FLG: variants seen among roughly 807,000 people sequenced by gnomAD.
FLG encodes filaggrin.
Under a neutral mutation model 3.8 loss-of-function variants are expected in FLG, and 6 were observed. The ratio of observed to expected loss-of-function variants is 1.60; its 90% CI spans 0.87 to 3.15. FLG has a LOEUF of 3.15. Ranked by LOEUF, FLG falls within the 30% of genes most tolerant of loss-of-function variation. The pLI, the probability that FLG is intolerant of heterozygous loss-of-function variation, is 0.00. For missense variants in FLG, 7,595 were observed against 5,050.9 expected (o/e 1.50, Z -15.27); for synonymous variants, 2,551 against 1,931.6 (o/e 1.32, Z -8.41).
chr1:152,315,525 A>G lies in FLG; in HGVS notation c.-21-48T>C, dbSNP rs1271118571. ...CACTTTTTTATACATCTTTTTTTCTAGGTTATATTATTACAATCATTTTCC... is the reference window on the plus strand; with the variant it reads ...CACTTTTTTATACATCTTTTTTTCTGGGTTATATTATTACAATCATTTTCC... On this transcript the variant is annotated intron_variant, in intron 1 of 2. Transcript: ENST00000368799. 4 of 1,386,836 alleles carry G rather than the reference A, an allele frequency of 2.9e-6. No individual in the cohort carries two copies. The African/African-American group carries it at 5.8e-5, about 20-fold the overall frequency. 85.9% of individuals were successfully genotyped at this position (1,386,836 alleles called of 1,614,324 possible).
At position 152,307,665 on chromosome 1, in the gene FLG, C is replaced by G. The variant is rs1456743078; in HGVS notation, c.7221G>C (p.Arg2407Ser). 2 of 1,613,264 alleles carry G rather than the reference C, an allele frequency of 1.2e-6. No homozygotes were observed. Among genetic ancestry groups the G allele is most frequent in the Non-Finnish European group, 1.7e-6 (2 of 1,179,838 alleles). Residue 2407 changes from arginine (R) to serine (S), a missense_variant, in exon 3 of 3, where the codon AGG (arginine) becomes AGC (serine). Physicochemically the swap from Arg to Ser is moderately radical, Grantham distance 110. Coordinates refer to ENST00000368799, the MANE Select transcript of FLG (RefSeq NM_002016.2). ...AGAGGAAAGACCCTGAACGTCCAGACCTTCCTGCTGACCGGCCACGTGTGG... is the reference window on the plus strand; with the variant it reads ...AGAGGAAAGACCCTGAACGTCCAGAGCTTCCTGCTGACCGGCCACGTGTGG... ...QESTRGRSAG[R>S]SGRSGSFLYQ...
At chr1:152,320,927 A>G (rs1652943134) in intron 1 of FLG, among the ~76,000 whole-genome samples, 1 of 151,050 alleles carries the variant, frequency 6.6e-6, no homozygotes, top group Admixed American at 6.6e-5. Flanking sequence ...TAAATAATCA[A>G]TGGGTCATTG....
chr1:152,322,418 CT>C (rs527786839), intron 1 of FLG, among the ~76,000 whole-genome samples: 252 of 151,098 alleles, frequency 1.7e-3, no homozygotes, highest in African/African-American at 5.7e-3. Flanking sequence ...ACTAAACATG[CT>C]TCTGGTTATA....
rs1652426248 is a variant in FLG at position 152,311,511 on chromosome 1, T to C, written c.3375A>G (p.Glu1125=). The C allele has an allele frequency of 6.2e-7, 1 of 1,613,798 alleles. No homozygotes were observed. The change falls in exon 3 of 3, where the codon GAA becomes GAG. Residue 1125 remains glutamate, a synonymous_variant. Transcript: ENST00000368799. ...TCCGCCCATGGGCAGACTCAGACTG[T>C]TCATGAGTGCTCACCTGGTAGATGA... ...GSFIYQVSTH[E]QSESAHGRTR...
rs140880942 is a variant in FLG at position 152,302,868 on chromosome 1, A to G, written c.12018T>C (p.Val4006=). ...HGSVSYNSNP[V]VFKERSDICK... The stretch of plus-strand genomic sequence containing the variant: ...AGATATCAGATCTTTCCTTGAAAAC[A>G]ACAGGATTGGAATTGTAACTAACAC... Residue 4006 remains valine, a synonymous_variant, in exon 3 of 3, where the codon GTT becomes GTC. Coordinates refer to ENST00000368799, the MANE Select transcript of FLG (RefSeq NM_002016.2). 6.0e-4 allele frequency: 974 copies of G among 1,614,212 alleles called. 22 individuals are homozygous for G. In the East Asian group the frequency reaches 0.021, roughly 34 times the overall value.
At position 152,305,138 on chromosome 1, in the gene FLG, C is replaced by G; in HGVS notation, c.9748G>C (p.Gly3250Arg). ...TGATGGGACCTGGGGTGTCTGGAGC[C>G]GTGCCTTGACTGCTCCTGAACAGAT... ...RGSVQEQSRH[G>R]SRHPRSHHED... Residue 3250 changes from glycine (G) to arginine (R), a missense_variant, in exon 3 of 3, where the codon GGC becomes CGC. Transcript: ENST00000368799. 5 of 1,613,826 alleles carry G rather than the reference C, an allele frequency of 3.1e-6. No homozygotes were observed. Among genetic ancestry groups the G allele is most frequent in the South Asian group, 1.1e-5 (1 of 91,008 alleles).
At chr1:152,324,915 A>G (rs561537829) in intron 1 of FLG, among the ~76,000 whole-genome samples, 121 of 152,030 alleles carry the variant, frequency 8.0e-4, no homozygotes, top group African/African-American at 2.8e-3. Context: ...GCATAGATAG[A>G]GCCAAGACCA....
rs369354507 is a variant in FLG, at chr1:152,314,756, A to T, written c.139-9T>A. ...TCTGGGTCATCTGGATTCTGTACAGAGGGAAGTCACAGAGGGAGACTGCAT... is the reference window on the plus strand; with the variant it reads ...TCTGGGTCATCTGGATTCTGTACAGTGGGAAGTCACAGAGGGAGACTGCAT... On this transcript the variant is annotated splice_polypyrimidine_tract_variant and intron_variant, in intron 2 of 2. Coordinates refer to ENST00000368799, the MANE Select transcript of FLG (RefSeq NM_002016.2). 6.2e-7 allele frequency: 1 copy of T among 1,613,818 alleles called. No homozygotes were observed.
chr1:152,313,187 C>G lies in FLG; in HGVS notation c.1699G>C (p.Ala567Pro). Residue 567 changes from alanine to proline, a missense_variant, in exon 3 of 3, where the codon GCA becomes CCA. Transcript: ENST00000368799. Reference protein sequence around the residue: ...ASHGQSGSRSASRQTRNEEQS... With the variant: ...ASHGQSGSRSPSRQTRNEEQS... ...TCCTCATTTCGTGTTTGTCTGCTTG[C>G]ACTTCTGGATCCTGACTGCCCATGG... The G allele has an allele frequency of 1.2e-6, 2 of 1,613,870 alleles. No homozygotes were observed. Among genetic ancestry groups the G allele is most frequent in the Non-Finnish European group, 1.7e-6 (2 of 1,180,004 alleles).
chr1:152,322,094 TAATA>T (rs1652997077), intron 1 of FLG, among the ~76,000 whole-genome samples: 1 of 151,368 alleles, frequency 6.6e-6, no homozygotes, highest in East Asian at 1.9e-4. Flanking sequence ...TAATTCTGAT[TAATA>T]AATAAAAGAT....
rs375098952 is a variant in FLG, at chr1:152,323,458, T to A, written c.-22+1731A>T. The stretch of plus-strand genomic sequence containing the variant: ...TTCTATAAATCAATAAAAAATACAG[T>A]TAACTCAATGGAAAAATGAATACCT... On this transcript the variant is annotated intron_variant, in intron 1 of 2. Transcript: ENST00000368799. Among the ~76,000 whole-genome samples, 13 of 151,736 alleles carry A rather than the reference T, an allele frequency of 8.6e-5. No homozygotes were observed. In the East Asian group the frequency reaches 2.3e-3, roughly 27 times the overall value.
Position 152,310,930 on chromosome 1 carries a change from T to C in FLG, c.3956A>G (p.His1319Arg), listed in dbSNP as rs1191555113. The change falls in exon 3 of 3, where the codon CAC (histidine) becomes CGC (arginine). Residue 1319 changes from histidine to arginine, a missense_variant. Transcript: ENST00000368799. Reference sequence around the variant, plus strand: ...TCTGGAGCTGTCTGCAGAGTGCCCGTGACTGGCTCTGTCTTCTTGATGGAA... The same window carrying C: ...TCTGGAGCTGTCTGCAGAGTGCCCGCGACTGGCTCTGTCTTCTTGATGGAA... ...PGFHQEDRAS[H>R]GHSADSSRQS... is the part of the protein sequence containing the mutation. The C allele has an allele frequency of 6.2e-7, 1 of 1,614,080 alleles. No homozygotes were observed. Among genetic ancestry groups the C allele is most frequent in the Non-Finnish European group, 8.5e-7 (1 of 1,180,008 alleles).
Position 152,309,750 on chromosome 1 carries a change from T to C in FLG, c.5136A>G (p.Arg1712=). 1.4e-5 allele frequency: 23 copies of C among 1,613,700 alleles called. No homozygotes were observed. Among genetic ancestry groups the C allele is most frequent in the Non-Finnish European group, 1.9e-5 (23 of 1,179,932 alleles). ...DSSVVGDSGN[R]GSSGSQASDS... ...CACTGGCCTGGCTACCACTGGACCC[T>C]CGGTTTCCACTGTCTCCGACTACAG... is the stretch of plus-strand genomic sequence containing the variant. The change falls in exon 3 of 3, where the codon CGA becomes CGG. Residue 1712 remains arginine (R), a synonymous_variant. Coordinates refer to ENST00000368799, the MANE Select transcript of FLG (RefSeq NM_002016.2).
At position 152,313,081 on chromosome 1, in the gene FLG, T is replaced by A. The variant is rs762452301; in HGVS notation, c.1805A>T (p.Gln602Leu). ...SSQADSSRHS[Q>L]VGQGQSSGPR... Reference sequence around the variant, plus strand: ...CCCCGATGATTGTCCCTGGCCCACCTGTGAGTGTCTAGAGCTGTCAGCCTG... The same window carrying A: ...CCCCGATGATTGTCCCTGGCCCACCAGTGAGTGTCTAGAGCTGTCAGCCTG... Residue 602 changes from glutamine to leucine, a missense_variant, in exon 3 of 3, where the codon CAG becomes CTG. Coordinates refer to ENST00000368799, the MANE Select transcript of FLG (RefSeq NM_002016.2). The A allele has an allele frequency of 1.9e-6, 3 of 1,613,960 alleles. No individual in the cohort carries two copies. The highest frequency in any genetic ancestry group is 1.7e-6 in the Non-Finnish European group (2 of 1,180,002).
At position 152,313,818 on chromosome 1, in the gene FLG, T is replaced by A. The variant is rs1652636777; in HGVS notation, c.1068A>T (p.Ser356=). ...HGHSADSSRQ[S]GTRHAETSSR... is the part of the protein sequence containing the mutation. ...AGGAAGTCTCTGCGTGACGAGTGCC[T>A]GATTGTCTGGAGCTGTCTGCAGAGT... Residue 356 remains serine, a synonymous_variant, in exon 3 of 3, where the codon TCA becomes TCT. Transcript: ENST00000368799. The A allele has an allele frequency of 6.2e-7, 1 of 1,614,156 alleles. No homozygotes were observed. Among genetic ancestry groups the A allele is most frequent in the East Asian group, 2.2e-5 (1 of 44,866 alleles).
rs572577859 is a variant in FLG at position 152,308,946 on chromosome 1, A to C, written c.5940T>G (p.Arg1980=). The change falls in exon 3 of 3, where the codon CGT becomes CGG. Residue 1980 remains arginine (R), a synonymous_variant. Transcript: ENST00000368799. ...GTCCACGAGAGGAAGACTCTGTGTGACGAGTGCCTGATTGTCTGGAGCTGT... is the reference window on the plus strand; with the variant it reads ...GTCCACGAGAGGAAGACTCTGTGTGCCGAGTGCCTGATTGTCTGGAGCTGT... ...SADSSRQSGT[R]HTESSSRGQA... The C allele has an allele frequency of 6.2e-7, 1 of 1,614,100 alleles. No homozygotes were observed. The highest frequency in any genetic ancestry group is 8.5e-7 in the Non-Finnish European group (1 of 1,179,984).
chr1:152,320,087 T>C (rs1652905816), intron 1 of FLG, among the ~76,000 whole-genome samples: 1 of 151,234 alleles, frequency 6.6e-6, no homozygotes, highest in Admixed American at 6.6e-5. Context: ...CAAGGATGCA[T>C]GCTATAATTT....
At position 152,307,380 on chromosome 1, in the gene FLG, A is replaced by T; in HGVS notation, c.7506T>A (p.Asp2502Glu). 1 of 1,613,218 alleles carries T rather than the reference A, an allele frequency of 6.2e-7. No homozygotes were observed. The highest frequency in any genetic ancestry group is 8.5e-7 in the Non-Finnish European group (1 of 1,179,692). Reference protein sequence around the residue: ...HSHTTSQGRSDASHGHSGSRS... With the variant: ...HSHTTSQGRSEASHGHSGSRS... ...TGGATCCTGAGTGCCCATGGGAGGC[A>T]TCAGACCTTCCCTGGGATGTGGTGT... The change falls in exon 3 of 3, where the codon GAT becomes GAA. Residue 2502 changes from aspartate to glutamate, a missense_variant. Transcript: ENST00000368799.
chr1:152,313,900 G>C lies in FLG; in HGVS notation c.986C>G (p.Ser329Ter). 1 of 1,613,940 alleles carries C rather than the reference G, an allele frequency of 6.2e-7. No homozygotes were observed. Among genetic ancestry groups the C allele is most frequent in the Non-Finnish European group, 8.5e-7 (1 of 1,179,998 alleles). ...CCTGGGGTGTCTGGAGCCATCTCTT[G>C]ACTGCTCCCACGCAGATCCATGATG... ...RNHHGSAWEQSRDGSRHPRSH... is the reference protein window; with the variant it reads ...RNHHGSAWEQ The change falls in exon 3 of 3, where the codon TCA (serine) becomes TGA (stop). Residue 329 changes from serine (S) to a stop codon, truncating the protein, a stop_gained. Transcript: ENST00000368799. LOFTEE classifies it low-confidence loss of function (END_TRUNC).
Sources: allele counts gnomAD v4.1 joint callset (sites outside exome capture counted in the v4.1 genomes callset), GRCh38; gene constraint gnomAD v4.1.1; transcripts MANE v1.5; gene names NCBI Gene and HGNC (gene_info 2026-07-23, HGNC 2026-07-21).